PTBP2: variants seen among roughly 807,000 people sequenced by gnomAD.
PTBP2 encodes the protein polypyrimidine tract-binding protein 2.
A neutral mutation model predicts 61.4 loss-of-function variants in PTBP2; 13 were observed. That is an observed-to-expected ratio of 0.21 (90% CI 0.14 to 0.34). PTBP2 has a LOEUF of 0.34. Ranked by LOEUF, PTBP2 falls within the 10% of genes least tolerant of loss-of-function variation. PTBP2 has a pLI of 1.00. For synonymous variants in PTBP2, 215 were observed against 218.5 expected (o/e 0.98, Z 0.14); for missense variants, 405 against 642.6 (o/e 0.63, Z 4.00).
chr1:96,739,122 G>A (rs943985860), intron 2 of PTBP2, among the ~76,000 whole-genome samples: 10 of 152,094 alleles, frequency 6.6e-5, no homozygotes, highest in Admixed American at 3.9e-4. Flanking sequence ...GTTTTCTCCA[G>A]GTTGATGGGA....
intron 2 of PTBP2, among the ~76,000 whole-genome samples, chr1:96,724,797 G>T (rs1184951355): frequency 6.6e-6 from 1 of 151,916 alleles, no homozygotes; most frequent in Non-Finnish European, 1.5e-5. Flanking sequence ...CATGGCACAT[G>T]TATACATATG....
At chr1:96,755,722 A>G (rs1655075192) in intron 3 of PTBP2, among the ~76,000 whole-genome samples, 1 of 152,184 alleles carries the variant, frequency 6.6e-6, no homozygotes, top group Non-Finnish European at 1.5e-5. Flanking sequence ...TATGTAAAAG[A>G]TGGGAGAAAA....
intron 3 of PTBP2, among the ~76,000 whole-genome samples, chr1:96,763,894 A>G (rs962433977): frequency 1.2e-4 from 19 of 152,230 alleles, no homozygotes; most frequent in Non-Finnish European, 2.6e-4. Context: ...AGCAAATAGC[A>G]TAAAAGACCT....
intron 3 of PTBP2, among the ~76,000 whole-genome samples, chr1:96,763,627 G>A (rs1251337416): frequency 1.6e-5 from 2 of 125,872 alleles, no homozygotes; most frequent in African/African-American, 5.9e-5. Context: ...AGGGGGAGGG[G>A]GAGGGCTGTT....
chr1:96,791,826 C>CTTTTTTTTGTTTTTTTTTTGT (rs1482989030), intron 8 of PTBP2, among the ~76,000 whole-genome samples: 908 of 66,016 alleles, frequency 0.014, 45 homozygotes, highest in African/African-American at 0.021. Flanking sequence ...TGGAGTTGTG[C>CTTTTTTTTGTTTTTTTTTTGT]TTTTTTTTTT....
intron 2 of PTBP2, 150 bp from the exon 3 acceptor site, chr1:96,751,275 A>G (rs778724812): frequency 8.8e-5 from 62 of 707,940 alleles, no homozygotes; most frequent in Admixed American, 2.2e-4. Flanking sequence ...TAGATGGGAG[A>G]GTAGAGGGAT....
Position 96,721,886 on chromosome 1 carries a change from C to G in PTBP2, c.8+14C>G, listed in dbSNP as rs374529117. 7 of 1,574,482 alleles carry G rather than the reference C, an allele frequency of 4.4e-6. No individual in the cohort carries two copies. Among genetic ancestry groups the G allele is most frequent in the Non-Finnish European group, 6.0e-6 (7 of 1,159,794 alleles). The stretch of plus-strand genomic sequence containing the variant: ...GGCAATGGACGGGTATGTAATCGGG[C>G]CGGCGAGAAGGTGTGTGTGAGAGAG... On this transcript the variant is annotated intron_variant, in intron 1 of 13. Coordinates refer to ENST00000674951, the MANE Select transcript of PTBP2 (RefSeq NM_021190.4).
intron 8 of PTBP2, among the ~76,000 whole-genome samples, chr1:96,799,666 A>G (rs1184434571): frequency 6.6e-6 from 1 of 152,204 alleles, no homozygotes; most frequent in Non-Finnish European, 1.5e-5. Flanking sequence ...GTAATCTGTT[A>G]GAGCCAGTGT....
chr1:96,723,727 T>C, intron 2 of PTBP2, 133 bp downstream of exon 2: 1 of 741,282 alleles, frequency 1.3e-6, no homozygotes, highest in Non-Finnish European at 2.2e-6. Context: ...CTTTCATTTG[T>C]AAAGTTGGAC....
intron 2 of PTBP2, chr1:96,749,589 G>A (rs1364538545): frequency 2.2e-6 from 1 of 453,612 alleles, no homozygotes; most frequent in African/African-American, 2.0e-5. Context: ...TCTCTATCCT[G>A]TGGGAGGGGC....
chr1:96,809,079 A>T (rs1661779472), intron 11 of PTBP2, among the ~76,000 whole-genome samples: 1 of 152,208 alleles, frequency 6.6e-6, no homozygotes. Flanking sequence ...CACTAGAAAG[A>T]TATAACAGTT....
At chr1:96,763,785 G>A (rs1656332343) in intron 3 of PTBP2, among the ~76,000 whole-genome samples, 1 of 152,030 alleles carries the variant, frequency 6.6e-6, no homozygotes, top group Non-Finnish European at 1.5e-5. Context: ...ATGTACAGAG[G>A]AAATACTGAG....
chr1:96,786,490 A>G (rs745861649), intron 8 of PTBP2, among the ~76,000 whole-genome samples: 8 of 152,188 alleles, frequency 5.3e-5, no homozygotes, highest in Non-Finnish European at 1.2e-4. Flanking sequence ...ATAAGATTGA[A>G]TATTTCACAG....
At chr1:96,781,190 T>C (rs1658626529) in intron 7 of PTBP2, among the ~76,000 whole-genome samples, 1 of 152,054 alleles carries the variant, frequency 6.6e-6, no homozygotes, top group African/African-American at 2.4e-5. Flanking sequence ...TTAAGTAGCA[T>C]TGATGTAGTA....
At chr1:96,724,845 T>G (rs1650168808) in intron 2 of PTBP2, among the ~76,000 whole-genome samples, 1 of 152,118 alleles carries the variant, frequency 6.6e-6, no homozygotes, top group South Asian at 2.1e-4. Context: ...ACCCTAAAAC[T>G]TAAAGTATAA....
chr1:96,778,167 C>CTTTTT (rs371248551), intron 7 of PTBP2, among the ~76,000 whole-genome samples: 1 of 125,294 alleles, frequency 8.0e-6, no homozygotes, highest in Non-Finnish European at 1.7e-5. Context: ...TATTATTTTA[C>CTTTTT]TTTTTTTTTT....
chr1:96,748,062 C>T (rs1196350945), intron 2 of PTBP2, among the ~76,000 whole-genome samples: 1 of 152,078 alleles, frequency 6.6e-6, no homozygotes, highest in Non-Finnish European at 1.5e-5. Flanking sequence ...ACCAGGAATA[C>T]TCACCTGGGT....
intron 3 of PTBP2, among the ~76,000 whole-genome samples, chr1:96,754,098 G>A (rs1042518306): frequency 1.8e-4 from 28 of 152,118 alleles, no homozygotes; most frequent in Admixed American, 1.7e-3. Flanking sequence ...ACCATACTTA[G>A]ACACATAGTA....
intron 2 of PTBP2, among the ~76,000 whole-genome samples, chr1:96,747,077 C>T (rs1206364137): frequency 6.6e-6 from 1 of 151,670 alleles, no homozygotes; most frequent in Non-Finnish European, 1.5e-5. Context: ...ATTTACAATC[C>T]TTTCTCCCTC....
Sources: allele counts gnomAD v4.1 joint callset (sites outside exome capture counted in the v4.1 genomes callset), GRCh38; gene constraint gnomAD v4.1.1; transcripts MANE v1.5; gene names NCBI Gene and HGNC (gene_info 2026-07-23, HGNC 2026-07-21).